The following NUP210L variants were observed in gnomAD, a reference collection of about 807,000 sequenced individuals.
The protein encoded by NUP210L is nuclear pore membrane glycoprotein 210-like.
NUP210L carries 74 observed loss-of-function variants against 208.5 expected under a neutral mutation model. The observed-to-expected ratio is 0.35, with a 90% CI of 0.29 to 0.43. NUP210L has a LOEUF of 0.43. Ranked by LOEUF, NUP210L falls within the 20% of genes least tolerant of loss-of-function variation. The pLI is 1.00. For synonymous variants in NUP210L, 780 were observed against 816.9 expected, an observed-to-expected ratio of 0.95 and a Z score of 0.77; for missense variants, 1,843 against 2,289.4, an observed-to-expected ratio of 0.81 and a Z score of 3.98.
rs922574298 is a variant in NUP210L at position 154,064,990 on chromosome 1, C to T, written c.2555-3316G>A. Among the ~76,000 whole-genome samples, 7 of 151,824 alleles carry T rather than the reference C, an allele frequency of 4.6e-5. No homozygotes were observed. The East Asian group carries it at 9.7e-4, about 21-fold the overall frequency. On this transcript the variant is annotated intron_variant, in intron 17 of 39. Coordinates refer to ENST00000368559, the Ensembl canonical transcript of NUP210L. ...ACTCGGGAGGCTGAGGCAGGAGAATCGCTTGAAACCGGGAGGTAGAGGTTG... is the reference window on the plus strand; with the variant it reads ...ACTCGGGAGGCTGAGGCAGGAGAATTGCTTGAAACCGGGAGGTAGAGGTTG...
chr1:153,995,803 G>A, intron 37 of NUP210L: 1 of 643,630 alleles, frequency 1.6e-6, no homozygotes, highest in South Asian at 1.4e-5. Flanking sequence ...AGGGATTCGT[G>A]CCGTAAAACC....
chr1:154,018,038 G>A (rs1214603775), intron 33 of NUP210L, among the ~76,000 whole-genome samples: 3 of 151,050 alleles, frequency 2.0e-5, no homozygotes, highest in African/African-American at 7.3e-5. Context: ...GTGGCTTGAT[G>A]TCAGTTCACT....
chr1:154,069,944 C>A (rs1159503985), intron 17 of NUP210L, among the ~76,000 whole-genome samples: 1 of 152,112 alleles, frequency 6.6e-6, no homozygotes, highest in Non-Finnish European at 1.5e-5. Context: ...AGCAAACTAT[C>A]ACAAGGACAG....
Position 154,154,834 on chromosome 1 carries a change from C to A in NUP210L, c.203+8G>T. 2 of 1,610,412 alleles carry A rather than the reference C, an allele frequency of 1.2e-6. No individual in the cohort carries two copies. Among genetic ancestry groups the A allele is most frequent in the East Asian group, 2.2e-5 (1 of 44,870 alleles). The stretch of plus-strand genomic sequence containing the variant: ...GGGTGCATATCCTTGTCACCCACCA[C>A]CCCTCACCAAGTGTAGCAGCCCCGC... On this transcript the variant is annotated splice_region_variant and intron_variant, in intron 1 of 39. Coordinates refer to ENST00000368559, the Ensembl canonical transcript of NUP210L.
At chr1:154,091,124 C>A (rs745567895) in intron 15 of NUP210L, among the ~76,000 whole-genome samples, 1 of 147,300 alleles carries the variant, frequency 6.8e-6, no homozygotes, top group Non-Finnish European at 1.5e-5. Flanking sequence ...GAGAAAAAGT[C>A]TCACTCTGTT....
chr1:154,025,815 G>T, intron 29 of NUP210L, 99 bp from the exon 30 acceptor site: 1 of 968,598 alleles, frequency 1.0e-6, no homozygotes, highest in Non-Finnish European at 1.5e-6. Context: ...GGATGTACTC[G>T]AGAAAACTGC....
chr1:154,026,805 G>A (rs928216137), intron 29 of NUP210L, among the ~76,000 whole-genome samples: 2 of 152,158 alleles, frequency 1.3e-5, no homozygotes, highest in African/African-American at 2.4e-5. Context: ...ACACAAGGCT[G>A]GGCGTGGTGG....
chr1:154,085,824 C>T (rs1655594727), intron 16 of NUP210L, among the ~76,000 whole-genome samples: 2 of 152,078 alleles, frequency 1.3e-5, no homozygotes, highest in Admixed American at 1.3e-4. Flanking sequence ...TTATGGTTAA[C>T]AGATTTGCAA....
chr1:154,046,434 C>T (rs1232615551), intron 25 of NUP210L, 65 bp from the exon 26 acceptor site: 6 of 1,258,160 alleles, frequency 4.8e-6, no homozygotes, highest in Non-Finnish European at 7.0e-6. Context: ...GACAGAGATG[C>T]TTTTGATAAC....
chr1:154,129,285 C>A, exon 8 of NUP210L: 1 of 1,599,390 alleles, frequency 6.3e-7, no homozygotes. Context: ...ACCTAAAAAT[C>A]CAGGCTCTAC....
chr1:153,993,178 A>G (rs2147871556), intron 38 of NUP210L, 89 bp from the exon 39 acceptor site: 1 of 817,636 alleles, frequency 1.2e-6, no homozygotes. Context: ...ATTGCTAAAA[A>G]TAATTCTTAA....
At chr1:154,127,188 C>A (rs371867715) in intron 9 of NUP210L, 123 bp downstream of exon 9, 10 of 450,674 alleles carry the variant, frequency 2.2e-5, no homozygotes, top group Middle Eastern at 3.7e-4. Context: ...CTTGCTTTTC[C>A]GAAGGTAAAA....
rs368087928 is a variant in NUP210L, at chr1:154,091,399, A to T, written c.2188-1805T>A. Among the ~76,000 whole-genome samples, 24 of 151,928 alleles carry T rather than the reference A, an allele frequency of 1.6e-4. No homozygotes were observed. The East Asian group carries it at 3.3e-3, about 21-fold the overall frequency. ...GTGTGAGCCACTGTGCCTGCTCAAC[A>T]GCAGCATTATTCATGATCACTAAAA... On this transcript the variant is annotated intron_variant, in intron 15 of 39. Transcript: ENST00000368559.
At chr1:154,098,917 C>T (rs1007330767) in intron 14 of NUP210L, among the ~76,000 whole-genome samples, 1 of 152,232 alleles carries the variant, frequency 6.6e-6, no homozygotes, top group Non-Finnish European at 1.5e-5. Flanking sequence ...GCCGAGCTGC[C>T]CTCAGCTCCT....
chr1:154,118,737 C>T (rs953954478), exon 11 of NUP210L: 1 of 1,600,430 alleles, frequency 6.2e-7, no homozygotes, highest in African/African-American at 1.3e-5. Context: ...TGGGTGTAAG[C>T]ATGATGGGAA....
intron 14 of NUP210L, among the ~76,000 whole-genome samples, chr1:154,096,872 G>T (rs1210340930): frequency 1.3e-5 from 2 of 152,056 alleles, no homozygotes; most frequent in East Asian, 3.9e-4. Flanking sequence ...CTTGAGCCCA[G>T]GAATTTGAGA....
At chr1:154,035,364 A>G (rs563582909) in intron 27 of NUP210L, among the ~76,000 whole-genome samples, 2 of 150,628 alleles carry the variant, frequency 1.3e-5, no homozygotes, top group African/African-American at 2.4e-5. Flanking sequence ...CTCGTTCTTT[A>G]AGATGCTTCA....
intron 7 of NUP210L, among the ~76,000 whole-genome samples, chr1:154,131,524 AATTAAGAGAAAT>A (rs1426444638): frequency 2.0e-5 from 3 of 152,022 alleles, no homozygotes; most frequent in Non-Finnish European, 2.9e-5. Flanking sequence ...TTCTCTCTTT[AATTAAGAGAAAT>A]ATTAAGAGAA....
chr1:153,997,650 A>G (rs1649971026), intron 37 of NUP210L, among the ~76,000 whole-genome samples: 1 of 143,130 alleles, frequency 7.0e-6, no homozygotes, highest in Non-Finnish European at 1.5e-5. Flanking sequence ...TTTTGTAGAG[A>G]TGGGGTTTTG....
Sources: gnomAD v4.1 joint callset for allele counts (sites outside exome capture counted in the v4.1 genomes callset) on GRCh38, gnomAD v4.1.1 for gene constraint, MANE v1.5 for transcripts, NCBI Gene and HGNC (gene_info 2026-07-23, HGNC 2026-07-21) for gene names.